The following LTBP1 variants were observed in gnomAD, a reference collection of about 807,000 sequenced individuals.
LTBP1 encodes latent transforming growth factor beta binding protein 1.
A neutral mutation model predicts 207.6 loss-of-function variants in LTBP1; 129 were observed. The observed-to-expected ratio is 0.62, with a 90% CI of 0.54 to 0.72. The LOEUF (loss-of-function observed/expected upper bound fraction) is 0.72. Among genes scored for constraint, LTBP1 ranks in the 30% least tolerant of loss-of-function variants. The pLI is 0.00. For synonymous variants in LTBP1, 963 were observed against 833.7 expected, an observed-to-expected ratio of 1.16 and a Z score of -2.67; for missense variants, 2,281 against 2,217.2, an observed-to-expected ratio of 1.03 and a Z score of -0.58.
In LTBP1 at chr2:33,125,176, G is replaced by A. The variant is rs536015040; in HGVS notation, c.1034-9617G>A. Among the ~76,000 whole-genome samples the A allele has an allele frequency of 2.4e-4, 37 of 152,326 alleles. 2 individuals are homozygous for A. The highest frequency in any genetic ancestry group is 1.2e-3 in the Admixed American group (19 of 15,302). ...CATAGTAATGCTCATTACAAGTGTA[G>A]GAGAGGCATTGGGGCGTATCGAGGA... is the stretch of plus-strand genomic sequence containing the variant. On this transcript the variant is annotated intron_variant, in intron 4 of 33. Coordinates refer to ENST00000404816, the MANE Select transcript of LTBP1 (RefSeq NM_206943.4).
intron 20 of LTBP1, 108 bp downstream of exon 20, chr2:33,293,390 CG>C: frequency 8.7e-7 from 1 of 1,155,178 alleles, no homozygotes; most frequent in South Asian, 1.9e-5. Context: ...TTATTTTGAC[CG>C]AGCGACTTAG....
intron 5 of LTBP1, 75 bp downstream of exon 5, chr2:33,135,035 C>G: frequency 7.1e-7 from 1 of 1,408,296 alleles, no homozygotes. Context: ...GACACCCCCT[C>G]CATTCACACT....
intron 3 of LTBP1, among the ~76,000 whole-genome samples, chr2:33,104,846 G>A (rs1185083081): frequency 6.6e-6 from 1 of 152,130 alleles, no homozygotes; most frequent in East Asian, 1.9e-4. Context: ...CTCGAGAATA[G>A]AGTGGCCCTT....
intron 7 of LTBP1, among the ~76,000 whole-genome samples, chr2:33,208,901 T>A (rs1437301150): frequency 7.3e-6 from 1 of 137,414 alleles, no homozygotes; most frequent in African/African-American, 2.7e-5. Context: ...GGAGTCTCGC[T>A]CTGTCTCCCA....
intron 7 of LTBP1, among the ~76,000 whole-genome samples, chr2:33,202,434 T>C (rs1286962624): frequency 6.6e-6 from 1 of 152,160 alleles, no homozygotes; most frequent in East Asian, 1.9e-4. Flanking sequence ...GCTGAGACAT[T>C]GAGTTCTGCT....
intron 9 of LTBP1, among the ~76,000 whole-genome samples, chr2:33,229,765 C>T (rs2091682468): frequency 6.6e-6 from 1 of 152,162 alleles, no homozygotes; most frequent in Non-Finnish European, 1.5e-5. Flanking sequence ...ATGGTTCTGC[C>T]TTAGTCAATT....
At chr2:33,015,621 C>T (rs1313051009) in intron 2 of LTBP1, among the ~76,000 whole-genome samples, 1 of 103,764 alleles carries the variant, frequency 9.6e-6, no homozygotes, top group East Asian at 3.2e-4. Flanking sequence ...GTACAAAGGT[C>T]GTGATAGGGC....
chr2:33,119,748 C>T (rs1179160878), intron 4 of LTBP1, among the ~76,000 whole-genome samples: 2 of 151,988 alleles, frequency 1.3e-5, no homozygotes, highest in African/African-American at 2.4e-5. Flanking sequence ...TTAGTAGAGG[C>T]GGGGTTTCAC....
intron 32 of LTBP1, among the ~76,000 whole-genome samples, chr2:33,395,783 T>G (rs1262611868): frequency 1.4e-4 from 22 of 151,830 alleles, no homozygotes; most frequent in African/African-American, 4.8e-4. Context: ...CTCCATATCC[T>G]TGTCCAATTC....
In LTBP1 at chr2:33,373,733, G is replaced by A. The variant is rs1408038450; in HGVS notation, c.4711+8230G>A. 2.6e-5 allele frequency among the ~76,000 whole-genome samples: 4 copies of A among 152,136 alleles called. No homozygotes were observed. In the East Asian group the frequency reaches 7.7e-4, roughly 29 times the overall value. On this transcript the variant is annotated intron_variant, in intron 31 of 33. Coordinates refer to ENST00000404816, the MANE Select transcript of LTBP1 (RefSeq NM_206943.4). ...TCAGTTTTAGTTAAATTACTTACAT[G>A]TTCTTTATTTTATTATTTATTGAAT...
At chr2:32,983,681 C>G (rs1386375359) in intron 2 of LTBP1, among the ~76,000 whole-genome samples, 3 of 152,154 alleles carry the variant, frequency 2.0e-5, no homozygotes, top group Non-Finnish European at 4.4e-5. Flanking sequence ...CTCAGGAGAT[C>G]TGATGGTTTT....
chr2:33,133,182 T>A (rs1306936042), intron 4 of LTBP1, among the ~76,000 whole-genome samples: 3 of 152,180 alleles, frequency 2.0e-5, no homozygotes, highest in Non-Finnish European at 4.4e-5. Flanking sequence ...TGGTTAAAGT[T>A]CTTTGTTTCC....
At chr2:33,094,538 C>T (rs960052403) in intron 3 of LTBP1, among the ~76,000 whole-genome samples, 7 of 152,166 alleles carry the variant, frequency 4.6e-5, no homozygotes, top group African/African-American at 7.2e-5. Flanking sequence ...TGCTTTTCAT[C>T]GGTGAAGTTA....
At chr2:33,081,974 C>G (rs2078438230) in intron 3 of LTBP1, among the ~76,000 whole-genome samples, 1 of 152,116 alleles carries the variant, frequency 6.6e-6, no homozygotes, top group South Asian at 2.1e-4. Context: ...GAACTTGAGT[C>G]AATTAAACTT....
intron 3 of LTBP1, among the ~76,000 whole-genome samples, chr2:33,044,928 C>G (rs960939664): frequency 5.3e-5 from 8 of 151,982 alleles, no homozygotes; most frequent in Non-Finnish European, 1.0e-4. Flanking sequence ...AGTGTCTGTT[C>G]ATATCCTTTG....
At chr2:33,140,819 C>T (rs1200628150) in intron 5 of LTBP1, among the ~76,000 whole-genome samples, 1 of 152,076 alleles carries the variant, frequency 6.6e-6, no homozygotes. Context: ...AGGCACCTGC[C>T]ACCATGCCCG....
At chr2:33,258,478 G>A (rs1012027085) in intron 12 of LTBP1, among the ~76,000 whole-genome samples, 2 of 152,070 alleles carry the variant, frequency 1.3e-5, no homozygotes, top group African/African-American at 4.8e-5. Context: ...CTGAACGTTT[G>A]TGTGTTCTGG....
chr2:33,355,134 T>C (rs1366571917), intron 26 of LTBP1, among the ~76,000 whole-genome samples: 1 of 152,126 alleles, frequency 6.6e-6, no homozygotes, highest in East Asian at 1.9e-4. Context: ...CATGCATTTA[T>C]CCTCGCAGGC....
chr2:33,041,259 T>C (rs2076167815), intron 3 of LTBP1, among the ~76,000 whole-genome samples: 1 of 152,204 alleles, frequency 6.6e-6, no homozygotes, highest in South Asian at 2.1e-4. Context: ...TATCTAAAGA[T>C]ACAGACTGTG....
Sources: gnomAD v4.1 joint callset for allele counts (sites outside exome capture counted in the v4.1 genomes callset) on GRCh38, gnomAD v4.1.1 for gene constraint, MANE v1.5 for transcripts, NCBI Gene and HGNC (gene_info 2026-07-23, HGNC 2026-07-21) for gene names.